TEAD1: variants seen among roughly 807,000 people sequenced by gnomAD.
The protein encoded by TEAD1 is TEA domain transcription factor 1, also known as transcriptional enhancer factor TEF-1.
Under a neutral mutation model 54.9 loss-of-function variants are expected in TEAD1, and 9 were observed. The observed-to-expected ratio is 0.16, with a 90% CI of 0.10 to 0.29. TEAD1 has a LOEUF of 0.29. Among genes scored for constraint, TEAD1 ranks in the 10% least tolerant of loss-of-function variants. TEAD1 has a pLI of 1.00. For synonymous variants in TEAD1, 200 were observed against 187.8 expected, an observed-to-expected ratio of 1.07 and a Z score of -0.53; for missense variants, 387 against 535.9, an observed-to-expected ratio of 0.72 and a Z score of 2.74.
rs551033638 is a variant in TEAD1, at chr11:12,780,355, T to C, written c.202+15921T>C. Reference sequence around the variant, plus strand: ...GCCTCCCAGGTTCAAGCGATTCTCCTGGCTCAGCCTCCCGAGTAACTGGGA... The same window carrying C: ...GCCTCCCAGGTTCAAGCGATTCTCCCGGCTCAGCCTCCCGAGTAACTGGGA... On this transcript the variant is annotated intron_variant, in intron 3 of 12. Coordinates refer to ENST00000527636, the MANE Select transcript of TEAD1 (RefSeq NM_021961.6). 1.5e-3 allele frequency among the ~76,000 whole-genome samples: 227 copies of C among 152,028 alleles called. 1 individual carries two copies. Among genetic ancestry groups the C allele is most frequent in the African/African-American group, 5.2e-3 (216 of 41,424 alleles).
At chr11:12,791,751 G>T (rs1462388249) in intron 3 of TEAD1, among the ~76,000 whole-genome samples, 2 of 152,156 alleles carry the variant, frequency 1.3e-5, no homozygotes, top group Non-Finnish European at 2.9e-5. Context: ...CTATAAGTAA[G>T]TGATAAGGGA....
At chr11:12,730,154 C>T (rs945625212) in intron 2 of TEAD1, among the ~76,000 whole-genome samples, 7 of 152,134 alleles carry the variant, frequency 4.6e-5, no homozygotes, top group African/African-American at 7.2e-5. Context: ...ATTTATTAAA[C>T]GGCCATGACG....
intron 3 of TEAD1, among the ~76,000 whole-genome samples, chr11:12,796,425 C>G (rs189866565): frequency 6.6e-6 from 1 of 152,172 alleles, no homozygotes; most frequent in African/African-American, 2.4e-5. Context: ...CAGATGCTTA[C>G]GATGTTTAGC....
At chr11:12,846,228 A>G (rs1002714527) in intron 3 of TEAD1, among the ~76,000 whole-genome samples, 1 of 152,114 alleles carries the variant, frequency 6.6e-6, no homozygotes, top group Non-Finnish European at 1.5e-5. Context: ...GCCTGCATGG[A>G]GAGTGGAGCC....
intron 2 of TEAD1, among the ~76,000 whole-genome samples, chr11:12,702,226 G>T (rs1407137007): frequency 1.3e-5 from 2 of 152,202 alleles, no homozygotes; most frequent in Non-Finnish European, 2.9e-5. Context: ...GCAGGCTCAG[G>T]TGTCAGTGGT....
chr11:12,760,227 C>T (rs77422940), intron 2 of TEAD1, among the ~76,000 whole-genome samples: 289 of 152,306 alleles, frequency 1.9e-3, no homozygotes, highest in South Asian at 3.9e-3. Context: ...GATGACAGAG[C>T]GCCTTCACTC....
In TEAD1 at chr11:12,944,475, G is replaced by T. The variant is rs1949189484; in HGVS notation, c.*7253G>T. 1 of 126,640 alleles carries T rather than the reference G, an allele frequency of 7.9e-6. No homozygotes were observed. The allele number at this position is 126,640 out of a possible 1,614,324, so 7.8% of individuals were successfully genotyped here. A position where few individuals can be genotyped will look rare whatever the true frequency, so the allele number is the denominator to read the frequency against. ...TGTGTGCAGAGAATTTTTTTATAAA[G>T]TGCTTTGTAAAAAAAAAAAAATGTA... On this transcript the variant is annotated 3_prime_UTR_variant, in exon 13 of 13. Coordinates refer to ENST00000527636, the MANE Select transcript of TEAD1 (RefSeq NM_021961.6).
At position 12,871,808 on chromosome 11, in the gene TEAD1, C is replaced by T. The variant is rs188734760; in HGVS notation, c.330+6908C>T. 2.6e-5 allele frequency among the ~76,000 whole-genome samples: 4 copies of T among 152,186 alleles called. No individual in the cohort carries two copies. In the South Asian group the frequency reaches 6.2e-4, roughly 24 times the overall value. On this transcript the variant is annotated intron_variant, in intron 5 of 12. Coordinates refer to ENST00000527636, the MANE Select transcript of TEAD1 (RefSeq NM_021961.6). Reference sequence around the variant, plus strand: ...AACTAAGAGGAAAGGAAGTCTTCGCCGTGCCCTCCGCTCGGCAGGAATACA... The same window carrying T: ...AACTAAGAGGAAAGGAAGTCTTCGCTGTGCCCTCCGCTCGGCAGGAATACA...
At chr11:12,786,263 C>T (rs565295588) in intron 3 of TEAD1, among the ~76,000 whole-genome samples, 1 of 152,288 alleles carries the variant, frequency 6.6e-6, no homozygotes, top group South Asian at 2.1e-4. Context: ...CTTTCTCGGA[C>T]TGCACTGGCT....
At chr11:12,822,184 C>T (rs1946566189) in intron 3 of TEAD1, among the ~76,000 whole-genome samples, 2 of 151,998 alleles carry the variant, frequency 1.3e-5, no homozygotes, top group South Asian at 4.2e-4. Flanking sequence ...AGGATGGTCT[C>T]GATCTCCTGA....
intron 3 of TEAD1, among the ~76,000 whole-genome samples, chr11:12,792,406 C>T (rs1410518966): frequency 1.4e-5 from 2 of 145,188 alleles, no homozygotes; most frequent in African/African-American, 5.1e-5. Flanking sequence ...AAAGTTTTGA[C>T]CTAGATATAA....
intron 10 of TEAD1, among the ~76,000 whole-genome samples, chr11:12,903,775 G>A (rs1437446470): frequency 6.6e-6 from 1 of 152,166 alleles, no homozygotes; most frequent in Admixed American, 6.5e-5. Context: ...TTGTGCCCCT[G>A]CACTCCAGCC....
At chr11:12,787,396 G>A (rs1455072219) in intron 3 of TEAD1, among the ~76,000 whole-genome samples, 1 of 152,214 alleles carries the variant, frequency 6.6e-6, no homozygotes, top group African/African-American at 2.4e-5. Context: ...TTAAGGGACA[G>A]TTCCCTAATG....
chr11:12,730,416 GTTTTTTTTTTTT>G (rs59731479), intron 2 of TEAD1, among the ~76,000 whole-genome samples: 338 of 60,246 alleles, frequency 5.6e-3, no homozygotes, highest in Middle Eastern at 0.019. Context: ...CCAGTTGAGT[GTTTTTTTTTTTT>G]TTTTTTTTTT....
Position 12,939,454 on chromosome 11 carries a change from T to G in TEAD1, c.*2232T>G, listed in dbSNP as rs751529189. 3.3e-5 allele frequency: 5 copies of G among 152,252 alleles called. No homozygotes were observed. Among genetic ancestry groups the G allele is most frequent in the Non-Finnish European group, 5.9e-5 (4 of 68,078 alleles). The allele number at this position is 152,252 out of a possible 1,614,324, so 9.4% of individuals were successfully genotyped here. On this transcript the variant is annotated 3_prime_UTR_variant, in exon 13 of 13. Transcript: ENST00000527636. ...CAGTGGGAGAGCTGTCTGGTTCATATTCTACCCAGGAATGGTACTTTTCAG... is the reference window on the plus strand; with the variant it reads ...CAGTGGGAGAGCTGTCTGGTTCATAGTCTACCCAGGAATGGTACTTTTCAG...
chr11:12,807,347 CTT>C (rs1249360969), intron 3 of TEAD1, among the ~76,000 whole-genome samples: 4 of 152,162 alleles, frequency 2.6e-5, no homozygotes, highest in Non-Finnish European at 5.9e-5. Flanking sequence ...CTTAAAATGT[CTT>C]TGTGTTGTAA....
chr11:12,878,930 G>A (rs1388648636), intron 5 of TEAD1: 1 of 1,283,726 alleles, frequency 7.8e-7, no homozygotes, highest in Admixed American at 2.4e-5. Flanking sequence ...TGAGTATTCT[G>A]TATTTTAGCT....
intron 4 of TEAD1, among the ~76,000 whole-genome samples, chr11:12,863,698 C>T (rs377352137): frequency 4.6e-5 from 7 of 152,070 alleles, no homozygotes; most frequent in African/African-American, 1.4e-4. Flanking sequence ...TCTGACAGTG[C>T]GGGACCTGGG....
rs1948000984 is a variant in TEAD1, at chr11:12,882,922, T to G, written c.575-79T>G. 1.9e-6 allele frequency: 3 copies of G among 1,610,260 alleles called. No individual in the cohort carries two copies. The South Asian group carries it at 3.3e-5, about 18-fold the overall frequency. On this transcript the variant is annotated intron_variant, in intron 8 of 12. Coordinates refer to ENST00000527636, the MANE Select transcript of TEAD1 (RefSeq NM_021961.6). ...TTGGCATTTCCTTCTGGGTCATCTG[T>G]AGAGCCCTGTTCCAGTATTTGCCTG...
Sources: gnomAD v4.1 joint callset for allele counts (sites outside exome capture counted in the v4.1 genomes callset) on GRCh38, gnomAD v4.1.1 for gene constraint, MANE v1.5 for transcripts, NCBI Gene and HGNC (gene_info 2026-07-23, HGNC 2026-07-21) for gene names.